Variants in PAX7 observed in about 807,000 individuals in gnomAD.
The protein encoded by PAX7 is paired box protein Pax-7.
Under a neutral mutation model 50.7 loss-of-function variants are expected in PAX7, and 18 were observed. The observed-to-expected ratio is 0.36, with a 90% CI of 0.25 to 0.53. The LOEUF is 0.53. Ranked by LOEUF, PAX7 falls within the 20% of genes least tolerant of loss-of-function variation. The pLI is 0.93. For synonymous variants in PAX7, 310 were observed against 290.4 expected (o/e 1.07, Z -0.69); for missense variants, 644 against 702.9 (o/e 0.92, Z 0.95).
intron 7 of PAX7, among the ~76,000 whole-genome samples, chr1:18,731,606 G>A (rs1016691915): frequency 2.6e-5 from 4 of 151,926 alleles, no homozygotes; most frequent in Non-Finnish European, 5.9e-5. Context: ...CTCCCCTCCC[G>A]CCGCTCTCCA....
intron 7 of PAX7, among the ~76,000 whole-genome samples, chr1:18,718,804 G>A (rs1238869767): frequency 3.3e-5 from 5 of 151,848 alleles, no homozygotes; most frequent in Non-Finnish European, 7.4e-5. Flanking sequence ...CACCACGCTG[G>A]CTAATTTTTG....
rs1931415240 is a variant in PAX7 at position 18,745,769 on chromosome 1, G to A, written c.*840G>A. The A allele has an allele frequency of 4.3e-6, 1 of 231,978 alleles. No individual in the cohort carries two copies. The highest frequency in any genetic ancestry group is 1.8e-4 in the South Asian group (1 of 5,530). 14.4% of individuals were successfully genotyped at this position (231,978 alleles called of 1,614,324 possible). Reference sequence around the variant, plus strand: ...ATGTCCACTCCATCTGGGGCCTGGGGAGCCCACAGAACTTTTCAGTTTCCT... The same window carrying A: ...ATGTCCACTCCATCTGGGGCCTGGGAAGCCCACAGAACTTTTCAGTTTCCT... On this transcript the variant is annotated 3_prime_UTR_variant, in exon 9 of 9. Transcript: ENST00000420770.
chr1:18,715,181 C>G (rs2089403081), intron 7 of PAX7, among the ~76,000 whole-genome samples: 1 of 151,952 alleles, frequency 6.6e-6, no homozygotes, highest in Non-Finnish European at 1.5e-5. Flanking sequence ...TCCACCACCC[C>G]ATTGTCATCT....
At chr1:18,677,447 A>G (rs2088840294) in intron 4 of PAX7, among the ~76,000 whole-genome samples, 1 of 152,206 alleles carries the variant, frequency 6.6e-6, no homozygotes, top group Non-Finnish European at 1.5e-5. Flanking sequence ...TGCAATGAAC[A>G]TTCACTGCTG....
chr1:18,705,264 C>G (rs752820363), intron 7 of PAX7, among the ~76,000 whole-genome samples: 1 of 152,212 alleles, frequency 6.6e-6, no homozygotes, highest in African/African-American at 2.4e-5. Context: ...CTCACTAGTG[C>G]TAACCTTCCA....
chr1:18,701,449 T>A (rs2089221030), intron 6 of PAX7, among the ~76,000 whole-genome samples: 1 of 151,856 alleles, frequency 6.6e-6, no homozygotes, highest in Admixed American at 6.6e-5. Context: ...TGTGCATGAG[T>A]GTGTGCATGT....
Position 18,748,134 on chromosome 1 carries a change from G to A in PAX7, c.*3205G>A, listed in dbSNP as rs148115392. 4.6e-6 allele frequency: 1 copy of A among 219,132 alleles called. No homozygotes were observed. Among genetic ancestry groups the A allele is most frequent in the Non-Finnish European group, 9.2e-6 (1 of 109,118 alleles). 13.6% of individuals were successfully genotyped at this position (219,132 alleles called of 1,614,324 possible). On this transcript the variant is annotated 3_prime_UTR_variant, in exon 9 of 9. Transcript: ENST00000420770. ...AGGGGGATAAGAGAGAAGAAAAGAA[G>A]AATGGAGAGAGAGGTTTGCCCAGAA...
At chr1:18,701,377 T>G (rs1055799826) in intron 6 of PAX7, among the ~76,000 whole-genome samples, 4 of 151,524 alleles carry the variant, frequency 2.6e-5, no homozygotes, top group Non-Finnish European at 5.9e-5. Flanking sequence ...AGTGAGTGAA[T>G]GAGTGTGTGT....
chr1:18,639,734 G>C (rs1317868056), intron 4 of PAX7, among the ~76,000 whole-genome samples: 2 of 152,132 alleles, frequency 1.3e-5, no homozygotes, highest in African/African-American at 4.8e-5. Flanking sequence ...GGAGCTGAGG[G>C]AGTGAGTGTG....
At chr1:18,672,458 C>T (rs1158798121) in intron 4 of PAX7, among the ~76,000 whole-genome samples, 6 of 152,150 alleles carry the variant, frequency 3.9e-5, no homozygotes, top group Admixed American at 3.9e-4. Context: ...CCAGCAGAAC[C>T]ATGGCTGGCA....
At chr1:18,668,568 G>A (rs2088700160) in intron 4 of PAX7, among the ~76,000 whole-genome samples, 1 of 152,126 alleles carries the variant, frequency 6.6e-6, no homozygotes, top group Non-Finnish European at 1.5e-5. Flanking sequence ...GCTGGGCATG[G>A]TGGCATGTAC....
chr1:18,692,017 G>A (rs567982165), intron 5 of PAX7, 64 bp downstream of exon 5: 56 of 1,505,902 alleles, frequency 3.7e-5, no homozygotes, highest in Non-Finnish European at 4.3e-5. Context: ...GTTTGGGATG[G>A]CCAAGGTCAG....
intron 4 of PAX7, among the ~76,000 whole-genome samples, chr1:18,666,528 G>T (rs1427132561): frequency 3.9e-5 from 6 of 152,228 alleles, no homozygotes; most frequent in Non-Finnish European, 8.8e-5. Context: ...ACATTTTCAG[G>T]GGTGCTAAGG....
chr1:18,683,435 A>C (rs1213213508), intron 4 of PAX7, among the ~76,000 whole-genome samples: 1 of 152,234 alleles, frequency 6.6e-6, no homozygotes, highest in African/African-American at 2.4e-5. Flanking sequence ...TCATTCATGC[A>C]ACAAATATTT....
At chr1:18,658,094 G>T (rs2088548906) in intron 4 of PAX7, among the ~76,000 whole-genome samples, 1 of 152,180 alleles carries the variant, frequency 6.6e-6, no homozygotes, top group Non-Finnish European at 1.5e-5. Flanking sequence ...CCAGCCCAAA[G>T]CTCCGTCCAT....
intron 4 of PAX7, 61 bp from the exon 5 acceptor site, chr1:18,691,693 C>T (rs1406293511): frequency 6.8e-7 from 1 of 1,478,130 alleles, no homozygotes; most frequent in East Asian, 2.5e-5. Flanking sequence ...TCCTCCCAGA[C>T]CCCGGCACCC....
At position 18,747,178 on chromosome 1, in the gene PAX7, T is replaced by C; in HGVS notation, c.*2249T>C. 1 of 230,280 alleles carries C rather than the reference T, an allele frequency of 4.3e-6. No homozygotes were observed. Among genetic ancestry groups the C allele is most frequent in the Non-Finnish European group, 8.6e-6 (1 of 116,192 alleles). 14.3% of individuals were successfully genotyped at this position (230,280 alleles called of 1,614,324 possible). A position where few individuals can be genotyped will look rare whatever the true frequency, so the allele number is the denominator to read the frequency against. On this transcript the variant is annotated 3_prime_UTR_variant, in exon 9 of 9. Coordinates refer to ENST00000420770, the MANE Select transcript of PAX7 (RefSeq NM_001135254.2). ...AAAGTATCTGAGTATCCTGACACCC[T>C]CTGTGACTCAGGAGCAGGGATCTCA...
intron 4 of PAX7, among the ~76,000 whole-genome samples, chr1:18,654,674 G>T (rs1395409194): frequency 1.3e-5 from 2 of 152,176 alleles, no homozygotes; most frequent in Non-Finnish European, 2.9e-5. Context: ...GATGAACAGA[G>T]CATGCTCACG....
intron 7 of PAX7, among the ~76,000 whole-genome samples, chr1:18,717,638 C>T (rs2089444701): frequency 6.6e-6 from 1 of 152,208 alleles, no homozygotes; most frequent in African/African-American, 2.4e-5. Context: ...TTGGATACCG[C>T]TCTCTCCCTC....
Sources: gnomAD v4.1 joint callset for allele counts (sites outside exome capture counted in the v4.1 genomes callset) on GRCh38, gnomAD v4.1.1 for gene constraint, MANE v1.5 for transcripts, NCBI Gene and HGNC (gene_info 2026-07-23, HGNC 2026-07-21) for gene names.